Variants in CHSY3 observed in about 807,000 individuals in gnomAD.
The protein encoded by CHSY3 is chondroitin sulfate synthase 3.
Under a neutral mutation model 67.2 loss-of-function variants are expected in CHSY3, and 35 were observed. The observed-to-expected ratio is 0.52, with a 90% CI of 0.40 to 0.69. The LOEUF is 0.69. CHSY3 is among the 30% of genes least tolerant of loss of function. CHSY3 has a pLI of 0.00. For synonymous variants in CHSY3, 474 were observed against 434.7 expected (o/e 1.09, Z -1.12); for missense variants, 1,069 against 1,138.5 (o/e 0.94, Z 0.88).
chr5:130,022,775 A>G (rs1764430782), intron 2 of CHSY3, among the ~76,000 whole-genome samples: 1 of 151,968 alleles, frequency 6.6e-6, no homozygotes, highest in Admixed American at 6.6e-5. Context: ...ATTTTGGAAT[A>G]TATTTAAAAA....
chr5:129,933,598 A>G (rs1439875475), intron 2 of CHSY3, among the ~76,000 whole-genome samples: 1 of 152,182 alleles, frequency 6.6e-6, no homozygotes, highest in Middle Eastern at 3.2e-3. Context: ...TTACTTGTGT[A>G]CAGAATCATT....
chr5:130,022,183 T>C (rs909474596), intron 2 of CHSY3, among the ~76,000 whole-genome samples: 5 of 152,098 alleles, frequency 3.3e-5, no homozygotes, highest in African/African-American at 1.2e-4. Context: ...AATGAATATC[T>C]ATTTCCACCT....
In CHSY3 at chr5:129,905,603, G is replaced by A. The variant is rs1164321291; in HGVS notation, c.774G>A (p.Met258Ile). ...ACCTGGACAAGTATGAGTGGTTCAT[G>A]CGCGCCGACGACGATGTCTACATCA... The part of the protein sequence containing the change: ...DHYLDKYEWF[M>I]RADDDVYIKG... Residue 258 changes from methionine to isoleucine, a missense_variant, in exon 1 of 3, where the codon ATG (methionine) becomes ATA (isoleucine). This residue lies in a region of CHSY3 where 216 missense variants were observed against 311.5 expected (regional missense o/e 0.69). Transcript: ENST00000305031. 1 of 1,613,742 alleles carries A rather than the reference G, an allele frequency of 6.2e-7. No homozygotes were observed. Among genetic ancestry groups the A allele is most frequent in the Non-Finnish European group, 8.5e-7 (1 of 1,180,012 alleles).
chr5:130,040,638 G>A (rs1017960755), intron 2 of CHSY3, among the ~76,000 whole-genome samples: 3 of 151,994 alleles, frequency 2.0e-5, no homozygotes, highest in Admixed American at 6.6e-5. Context: ...AACTATAGTC[G>A]TGGAAATCAG....
chr5:129,953,912 T>A (rs915628826), intron 2 of CHSY3, among the ~76,000 whole-genome samples: 9 of 152,326 alleles, frequency 5.9e-5, no homozygotes, highest in Non-Finnish European at 1.3e-4. Flanking sequence ...GCAAAAATGT[T>A]CTCCCATTCT....
intron 2 of CHSY3, among the ~76,000 whole-genome samples, chr5:130,075,134 G>T (rs112078543): frequency 2.6e-5 from 4 of 151,974 alleles, no homozygotes; most frequent in African/African-American, 9.7e-5. Context: ...GGGCCATTGC[G>T]GTCCACCTAC....
At chr5:130,144,256 T>G (rs1418379446) in intron 2 of CHSY3, among the ~76,000 whole-genome samples, 3 of 152,070 alleles carry the variant, frequency 2.0e-5, no homozygotes, top group Non-Finnish European at 2.9e-5. Flanking sequence ...TGGAGCAAGA[T>G]GGCTGACTCC....
rs1762881955 is a variant in CHSY3, at chr5:129,978,675, A to G, written c.1086+70315A>G. 3.9e-5 allele frequency among the ~76,000 whole-genome samples: 6 copies of G among 152,168 alleles called. No homozygotes were observed. The South Asian group carries it at 1.2e-3, about 32-fold the overall frequency. ...ATAATGTTGATGGAATGTGTCACTGACAAATGAGTATTTTGCCTTTTCTTT... is the reference window on the plus strand; with the variant it reads ...ATAATGTTGATGGAATGTGTCACTGGCAAATGAGTATTTTGCCTTTTCTTT... On this transcript the variant is annotated intron_variant, in intron 2 of 2. Transcript: ENST00000305031.
intron 2 of CHSY3, among the ~76,000 whole-genome samples, chr5:130,111,085 A>T (rs1033922765): frequency 2.0e-5 from 3 of 152,116 alleles, no homozygotes; most frequent in Non-Finnish European, 4.4e-5. Context: ...ATATGAAAGA[A>T]TGCTGCCTGT....
intron 2 of CHSY3, among the ~76,000 whole-genome samples, chr5:129,961,107 C>A (rs1762316767): frequency 6.6e-6 from 1 of 151,994 alleles, no homozygotes; most frequent in South Asian, 2.1e-4. Context: ...AGAAAACGGG[C>A]AATGGAAATT....
chr5:130,174,400 A>G (rs1769983966), intron 2 of CHSY3, among the ~76,000 whole-genome samples: 1 of 151,296 alleles, frequency 6.6e-6, no homozygotes. Flanking sequence ...TTCATAGAGA[A>G]GACCAAAGAT....
At chr5:130,150,170 T>C (rs943760946) in intron 2 of CHSY3, among the ~76,000 whole-genome samples, 8 of 152,054 alleles carry the variant, frequency 5.3e-5, no homozygotes, top group African/African-American at 1.9e-4. Context: ...GAGAGACAAA[T>C]GGATAGAATT....
intron 1 of CHSY3, among the ~76,000 whole-genome samples, chr5:129,907,036 T>C (rs1760331790): frequency 6.6e-6 from 1 of 152,160 alleles, no homozygotes; most frequent in South Asian, 2.1e-4. Context: ...AACAGTGGTA[T>C]TTAGGATTGA....
At chr5:130,144,891 A>G (rs984996803) in intron 2 of CHSY3, among the ~76,000 whole-genome samples, 9 of 152,198 alleles carry the variant, frequency 5.9e-5, no homozygotes, top group Admixed American at 3.3e-4. Flanking sequence ...GCCAATTACA[A>G]AGAAGCATGA....
chr5:130,072,472 T>A (rs1561523715), intron 2 of CHSY3, among the ~76,000 whole-genome samples: 1 of 152,126 alleles, frequency 6.6e-6, no homozygotes, highest in African/African-American at 2.4e-5. Flanking sequence ...TGATAGTAAA[T>A]ACTTGGGTTT....
intron 2 of CHSY3, among the ~76,000 whole-genome samples, chr5:129,986,961 G>C (rs963177862): frequency 1.3e-5 from 2 of 152,092 alleles, no homozygotes; most frequent in African/African-American, 4.8e-5. Flanking sequence ...TCTTATTAAT[G>C]ACTTTTCTTT....
chr5:130,184,466 G>A lies in CHSY3; in HGVS notation c.1324G>A (p.Glu442Lys). 6.2e-7 allele frequency: 1 copy of A among 1,613,754 alleles called. No individual in the cohort carries two copies. Among genetic ancestry groups the A allele is most frequent in the South Asian group, 1.1e-5 (1 of 91,070 alleles). The change falls in exon 3 of 3, where the codon GAG becomes AAG. Residue 442 changes from glutamate to lysine, a missense_variant. Around this residue, in one of 5 missense-constraint regions of CHSY3, gnomAD observed 401 missense variants for 395.2 expected, o/e 1.01. Transcript: ENST00000305031. Reference protein sequence around the residue: ...SKLSNTEVSKEDQQLGVIPSF... With the variant: ...SKLSNTEVSKKDQQLGVIPSF... Reference sequence around the variant, plus strand: ...GCTCAGTAACACAGAAGTGAGCAAAGAGGACCAGCAGCTGGGAGTGATACC... The same window carrying A: ...GCTCAGTAACACAGAAGTGAGCAAAAAGGACCAGCAGCTGGGAGTGATACC...
At chr5:130,051,436 G>A (rs780495728) in intron 2 of CHSY3, among the ~76,000 whole-genome samples, 9 of 151,992 alleles carry the variant, frequency 5.9e-5, no homozygotes, top group African/African-American at 9.7e-5. Flanking sequence ...AGAAAAACAT[G>A]TTTTTTAGAC....
At chr5:129,964,568 C>T (rs1762420303) in intron 2 of CHSY3, among the ~76,000 whole-genome samples, 1 of 151,780 alleles carries the variant, frequency 6.6e-6, no homozygotes, top group Admixed American at 6.6e-5. Context: ...ATTTGGGATT[C>T]CCAGCTGGAA....
Sources: gnomAD v4.1 joint callset for allele counts (sites outside exome capture counted in the v4.1 genomes callset) on GRCh38, gnomAD v4.1.1 for gene constraint, gnomAD v4.1.1 regional missense constraint, MANE v1.5 for transcripts, NCBI Gene and HGNC (gene_info 2026-07-23, HGNC 2026-07-21) for gene names.